TNIK: variants seen among roughly 807,000 people sequenced by gnomAD.
The protein encoded by TNIK is TRAF2 and NCK-interacting protein kinase.
In TNIK, 49 loss-of-function variants were observed where a neutral mutation model predicts 191.3. The ratio of observed to expected loss-of-function variants is 0.26; its 90% CI spans 0.20 to 0.32. TNIK has a LOEUF of 0.32. TNIK is among the 10% of genes least tolerant of loss of function. The probability of loss-of-function intolerance (pLI) is 1.00; values close to 1 mark genes in which losing one functional copy is unlikely to be tolerated. For missense variants in TNIK, 1,155 were observed against 1,702.3 expected, an observed-to-expected ratio of 0.68 and a Z score of 5.66; for synonymous variants, 594 against 600.9, an observed-to-expected ratio of 0.99 and a Z score of 0.17.
intron 9 of TNIK, among the ~76,000 whole-genome samples, chr3:171,172,526 A>G (rs1468708493): frequency 6.6e-6 from 1 of 152,142 alleles, no homozygotes; most frequent in East Asian, 1.9e-4. Context: ...AAGATAAAAT[A>G]CTCTGAAGTG....
chr3:171,217,302 A>G (rs1456239810), intron 3 of TNIK, among the ~76,000 whole-genome samples: 1 of 152,162 alleles, frequency 6.6e-6, no homozygotes, highest in Non-Finnish European at 1.5e-5. Flanking sequence ...CAAAAACAGG[A>G]AACAAAATCC....
In TNIK at chr3:171,208,874, T is replaced by A. The variant is rs116429067; in HGVS notation, c.306+2242A>T. Among the ~76,000 whole-genome samples, 1,329 of 152,266 alleles carry A rather than the reference T, an allele frequency of 8.7e-3. 17 individuals are homozygous for A. Among genetic ancestry groups the A allele is most frequent in the African/African-American group, 0.03 (1,237 of 41,542 alleles). On this transcript the variant is annotated intron_variant, in intron 4 of 32. Transcript: ENST00000436636. The stretch of plus-strand genomic sequence containing the variant: ...CCTCGCACCCAGCCCCTACTAAAAT[T>A]GTTAATGCTTATCCATTTATAAATG...
At chr3:171,351,821 G>A (rs1713260755) in intron 2 of TNIK, among the ~76,000 whole-genome samples, 2 of 152,054 alleles carry the variant, frequency 1.3e-5, no homozygotes, top group Admixed American at 1.3e-4. Flanking sequence ...AACCACACTG[G>A]GCAAAAAGGC....
At chr3:171,453,326 T>C (rs1386912678) in intron 1 of TNIK, among the ~76,000 whole-genome samples, 1 of 152,100 alleles carries the variant, frequency 6.6e-6, no homozygotes. Context: ...GAGGGACAAC[T>C]TGAGAGAAAT....
chr3:171,118,638 A>G (rs1413010057), intron 18 of TNIK, among the ~76,000 whole-genome samples: 1 of 152,206 alleles, frequency 6.6e-6, no homozygotes, highest in African/African-American at 2.4e-5. Context: ...GATGCCACAT[A>G]TCTATAACTA....
chr3:171,342,518 CAAA>C (rs1220128829), intron 2 of TNIK, among the ~76,000 whole-genome samples: 1 of 151,484 alleles, frequency 6.6e-6, no homozygotes. Flanking sequence ...AACAAAAAAA[CAAA>C]AAAAGAGGGA....
intron 2 of TNIK, among the ~76,000 whole-genome samples, chr3:171,229,811 G>C (rs1743391743): frequency 1.3e-5 from 2 of 152,112 alleles, no homozygotes; most frequent in South Asian, 4.2e-4. Flanking sequence ...GAAGGGGACA[G>C]TAGGTCAGTA....
At chr3:171,078,512 T>C (rs755174367) in intron 28 of TNIK, among the ~76,000 whole-genome samples, 11 of 152,126 alleles carry the variant, frequency 7.2e-5, no homozygotes, top group Admixed American at 3.3e-4. Flanking sequence ...TTTCTTGTTT[T>C]ATAGAAAGAA....
chr3:171,220,980 T>A (rs1742242285), intron 3 of TNIK, among the ~76,000 whole-genome samples: 1 of 151,940 alleles, frequency 6.6e-6, no homozygotes, highest in Non-Finnish European at 1.5e-5. Flanking sequence ...CAGACACACA[T>A]AAGCCACCAA....
intron 2 of TNIK, among the ~76,000 whole-genome samples, chr3:171,328,342 C>A (rs1388160083): frequency 6.6e-6 from 1 of 152,204 alleles, no homozygotes; most frequent in African/African-American, 2.4e-5. Flanking sequence ...GTTATTCAAA[C>A]CACCCAGTTC....
chr3:171,360,948 G>A (rs1428258487), intron 2 of TNIK, among the ~76,000 whole-genome samples: 2 of 152,202 alleles, frequency 1.3e-5, no homozygotes, highest in Non-Finnish European at 2.9e-5. Flanking sequence ...CATGCCACAT[G>A]TTTATCTATA....
At chr3:171,415,136 T>C (rs1181529926) in intron 1 of TNIK, among the ~76,000 whole-genome samples, 1 of 152,176 alleles carries the variant, frequency 6.6e-6, no homozygotes, top group East Asian at 1.9e-4. Flanking sequence ...TCATGGGTGG[T>C]TCTCAGTGCA....
intron 2 of TNIK, among the ~76,000 whole-genome samples, chr3:171,249,740 G>T (rs970917054): frequency 1.3e-5 from 2 of 152,162 alleles, no homozygotes; most frequent in Non-Finnish European, 2.9e-5. Flanking sequence ...AGCATATACA[G>T]TTATTCCATA....
intron 22 of TNIK, among the ~76,000 whole-genome samples, chr3:171,101,243 T>C (rs1723500518): frequency 6.6e-6 from 1 of 152,008 alleles, no homozygotes; most frequent in Non-Finnish European, 1.5e-5. Flanking sequence ...GTGTATGCAG[T>C]CCAAAAATGC....
intron 7 of TNIK, among the ~76,000 whole-genome samples, chr3:171,185,394 T>A (rs1360380645): frequency 6.6e-5 from 10 of 152,222 alleles, no homozygotes; most frequent in Non-Finnish European, 1.5e-4. Flanking sequence ...AATAACAATT[T>A]AAACAGCCTA....
At chr3:171,358,342 C>T (rs2011708) in intron 2 of TNIK, among the ~76,000 whole-genome samples, 44,156 of 151,924 alleles carry the variant, frequency 0.29, 6,670 homozygotes, top group East Asian at 0.49. Context: ...CAGTCATGGC[C>T]GGAAGTGAAT....
At chr3:171,448,236 C>T (rs1197595698) in intron 1 of TNIK, among the ~76,000 whole-genome samples, 2 of 152,102 alleles carry the variant, frequency 1.3e-5, no homozygotes, top group East Asian at 1.9e-4. Flanking sequence ...TAGTATGTTT[C>T]ACAGAGTTGT....
At position 171,167,177 on chromosome 3, in the gene TNIK, T is replaced by C. The variant is rs773453532; in HGVS notation, c.867A>G (p.Ile289Met). The change falls in exon 10 of 33, where the codon ATA becomes ATG. Residue 289 changes from isoleucine (I) to methionine (M), a missense_variant. Physicochemically the swap from Ile to Met is conservative, Grantham distance 10. Transcript: ENST00000436636. ...ATEQLMKHPF[I>M]RDQPNERQVR... is the part of the protein sequence containing the mutation. ...CCTGTCGCTCATTAGGTTGGTCTCG[T>C]ATAAATGGATGCTTCATCAATTGTT... The C allele has an allele frequency of 1.3e-5, 21 of 1,613,998 alleles. No individual in the cohort carries two copies. The highest frequency in any genetic ancestry group is 1.7e-5 in the Admixed American group (1 of 60,020).
rs538406831 is a variant in TNIK, at chr3:171,397,619, G to T, written c.58-27934C>A. On this transcript the variant is annotated intron_variant, in intron 1 of 32. Coordinates refer to ENST00000436636, the MANE Select transcript of TNIK (RefSeq NM_015028.4). ...AAAACACCTCTTTGTATTGACAATC[G>T]AACTTACAAAATGACAACTTACCAA... is the stretch of plus-strand genomic sequence containing the variant. Among the ~76,000 whole-genome samples the T allele has an allele frequency of 2.0e-5, 3 of 152,104 alleles. No homozygotes were observed. The South Asian group carries it at 6.2e-4, about 32-fold the overall frequency.
Sources: allele counts gnomAD v4.1 joint callset (sites outside exome capture counted in the v4.1 genomes callset), GRCh38; gene constraint gnomAD v4.1.1; transcripts MANE v1.5; gene names NCBI Gene and HGNC (gene_info 2026-07-23, HGNC 2026-07-21).